The following CELSR1 variants were observed in gnomAD, a reference collection of about 807,000 sequenced individuals.
The protein encoded by CELSR1 is cadherin EGF LAG seven-pass G-type receptor 1, also known as adhesion G protein-coupled receptor C1.
In CELSR1, 110 loss-of-function variants were observed where a neutral mutation model predicts 249.1. The observed-to-expected ratio is 0.44, with a 90% CI of 0.38 to 0.52. The LOEUF is 0.52. Ranked by LOEUF, CELSR1 falls within the 20% of genes least tolerant of loss-of-function variation. The pLI is 0.00. For synonymous variants in CELSR1, 2,113 were observed against 1,900.0 expected (o/e 1.11, Z -2.92); for missense variants, 4,109 against 4,296.4 (o/e 0.96, Z 1.22).
In CELSR1 at chr22:46,454,953, C is replaced by T. The variant is rs1280709413; in HGVS notation, c.4183+8754G>A. 6.6e-6 allele frequency among the ~76,000 whole-genome samples: 1 copy of T among 152,204 alleles called. No individual in the cohort carries two copies. Among genetic ancestry groups the T allele is most frequent in the Non-Finnish European group, 1.5e-5 (1 of 68,038 alleles). On this transcript the variant is annotated intron_variant, in intron 2 of 34. Transcript: ENST00000674500. This position sits in a 1 kb window ranked among gnomAD's most constrained non-coding sequence, Gnocchi z 5.1. ...ATAGGGTCTTTGTAGAGGTAATCGA[C>T]TTAGGATGAGATCATTAGGGTGGGT...
At position 46,500,285 on chromosome 22, in the gene CELSR1, C is replaced by A. The variant is rs1305372340; in HGVS notation, c.3544+33342G>T. On this transcript the variant is annotated intron_variant, in intron 1 of 34. Transcript: ENST00000674500. The surrounding 1 kb of genome is among the most constrained non-coding windows in gnomAD (Gnocchi z 4.9). ...ACATAACTGCGACAAAACCCTGGCGCCCGGTTTTCAGCACCGCGCTAGGTT... is the reference window on the plus strand; with the variant it reads ...ACATAACTGCGACAAAACCCTGGCGACCGGTTTTCAGCACCGCGCTAGGTT... Among the ~76,000 whole-genome samples the A allele has an allele frequency of 2.6e-5, 4 of 152,166 alleles. No individual in the cohort carries two copies. Among genetic ancestry groups the A allele is most frequent in the Non-Finnish European group, 4.4e-5 (3 of 68,034 alleles).
At position 46,463,720 on chromosome 22, in the gene CELSR1, G is replaced by A. The variant is rs559899857; in HGVS notation, c.4170C>T (p.Phe1390=). The change falls in exon 2 of 35, where the codon TTC becomes TTT. Residue 1390 remains phenylalanine, a synonymous_variant. Transcript: ENST00000674500. Reference sequence around the variant, plus strand: ...CCGGGCACCTACCAGTGAAGTCCTCGAAGCACTCGCAGGTGTAGCCGCCCT... The same window carrying A: ...CCGGGCACCTACCAGTGAAGTCCTCAAAGCACTCGCAGGTGTAGCCGCCCT... ...SREGGYTCEC[F]EDFTGEHCEV... 69 of 1,525,800 alleles carry A rather than the reference G, an allele frequency of 4.5e-5. No homozygotes were observed. In the South Asian group the frequency reaches 6.9e-4, roughly 15 times the overall value. 94.5% of individuals were successfully genotyped at this position (1,525,800 alleles called of 1,614,324 possible).
chr22:46,372,841 G>A (rs771344904), intron 25 of CELSR1, 42 bp downstream of exon 25: 1 of 1,561,608 alleles, frequency 6.4e-7, no homozygotes, highest in Non-Finnish European at 8.7e-7. Flanking sequence ...GGGTCTGTTG[G>A]AAATCTGTGG....
rs35527058 is a variant in CELSR1 at position 46,493,545 on chromosome 22, CAA to C, written c.3545-29202_3545-29201del. Among the ~76,000 whole-genome samples the C allele has an allele frequency of 6.3e-3, 786 of 124,702 alleles. 2 individuals carry two copies. Among genetic ancestry groups the C allele is most frequent in the African/African-American group, 0.015 (485 of 32,348 alleles). 81.8% of individuals were successfully genotyped at this position (124,702 alleles called of 152,430 possible). ...TGGGTGACAGAACGAGACTCCGTCT[CAA>C]AAAAAAAAAAAAAAAGATTAAAATT... On this transcript the variant is annotated intron_variant, in intron 1 of 34. Coordinates refer to ENST00000674500, the MANE Select transcript of CELSR1 (RefSeq NM_001378328.1).
At position 46,481,483 on chromosome 22, in the gene CELSR1, T is replaced by C. The variant is rs2080265848; in HGVS notation, c.3545-17138A>G. On this transcript the variant is annotated intron_variant, in intron 1 of 34. Transcript: ENST00000674500. ...ATCTATTGAATCTTTGGCTTTGTCGTTGCAATGCGTGGTGCACCGGACCAG... is the reference window on the plus strand; with the variant it reads ...ATCTATTGAATCTTTGGCTTTGTCGCTGCAATGCGTGGTGCACCGGACCAG... The C allele has an allele frequency of 3.8e-6, 6 of 1,568,102 alleles. No homozygotes were observed. The East Asian group carries it at 9.0e-5, about 23-fold the overall frequency.
intron 24 of CELSR1, 118 bp downstream of exon 24, chr22:46,376,943 C>G: frequency 1.0e-6 from 1 of 998,852 alleles, no homozygotes; most frequent in South Asian, 1.5e-5. Context: ...ATCTGTGAAG[C>G]AGAGGTGGGG....
intron 5 of CELSR1, among the ~76,000 whole-genome samples, chr22:46,422,643 T>C (rs1413565729): frequency 2.0e-4 from 31 of 151,344 alleles, no homozygotes; most frequent in African/African-American, 7.5e-4. Context: ...GGTGGGCGCC[T>C]GTAGTCCCAG....
Position 46,536,224 on chromosome 22 carries a change from T to C in CELSR1, c.947A>G (p.Lys316Arg). ...TTTCACCCTGAGGACGTGCGTCTCC[T>C]TGGTCTCGCGGTCCAGTACGCTGTC... ...STDSVLDRET[K>R]ETHVLRVKAV... The change falls in exon 1 of 35, where the codon AAG becomes AGG. Residue 316 changes from lysine to arginine, a missense_variant. Physicochemically the swap from Lys to Arg is conservative, Grantham distance 26 (BLOSUM62 2). Transcript: ENST00000674500. 1 of 1,612,636 alleles carries C rather than the reference T, an allele frequency of 6.2e-7. No homozygotes were observed. Among genetic ancestry groups the C allele is most frequent in the Non-Finnish European group, 8.5e-7 (1 of 1,179,984 alleles).
intron 1 of CELSR1, among the ~76,000 whole-genome samples, chr22:46,529,670 G>T (rs2080772611): frequency 6.6e-6 from 1 of 152,114 alleles, no homozygotes; most frequent in South Asian, 2.1e-4. Flanking sequence ...GGGTGTGGTG[G>T]CGTGCACCTG....
rs146266737 is a variant in CELSR1, at chr22:46,364,961, C to A, written c.8555-225G>T. Among the ~76,000 whole-genome samples, 260 of 152,362 alleles carry A rather than the reference C, an allele frequency of 1.7e-3. 1 individual carries two copies. The highest frequency in any genetic ancestry group is 5.0e-3 in the African/African-American group (208 of 41,590). On this transcript the variant is annotated intron_variant, in intron 32 of 34. Coordinates refer to ENST00000674500, the MANE Select transcript of CELSR1 (RefSeq NM_001378328.1). ...TGTACCAGTAACTATACAGGCTAATCCCCCACTGGCAGCCTCACCTGGACC... is the reference window on the plus strand; with the variant it reads ...TGTACCAGTAACTATACAGGCTAATACCCCACTGGCAGCCTCACCTGGACC...
At chr22:46,496,133 G>A (rs1013047231) in intron 1 of CELSR1, among the ~76,000 whole-genome samples, 1 of 151,644 alleles carries the variant, frequency 6.6e-6, no homozygotes, top group African/African-American at 2.4e-5. Flanking sequence ...GGTGGGGGTT[G>A]CAGTGAGCCA....
chr22:46,391,285 T>A lies in CELSR1; in HGVS notation c.6151A>T (p.Ile2051Phe). 1 of 1,613,242 alleles carries A rather than the reference T, an allele frequency of 6.2e-7. No homozygotes were observed. The highest frequency in any genetic ancestry group is 8.5e-7 in the Non-Finnish European group (1 of 1,179,788). ...AATGCTTTGGGACAGCCATTGTAGA[T>A]CACTGGGGTAGAGAAGAGAGAAGTC... ...AEVTTLGCEVIYNGCPKAFEA... is the reference protein window; with the variant it reads ...AEVTTLGCEVFYNGCPKAFEA... The change falls in exon 16 of 35, where the codon ATC becomes TTC. Residue 2051 changes from isoleucine (I) to phenylalanine (F), a missense_variant and splice_region_variant. Physicochemically the swap from Ile to Phe is conservative, Grantham distance 21. Coordinates refer to ENST00000674500, the MANE Select transcript of CELSR1 (RefSeq NM_001378328.1). The surrounding 1 kb of genome is among the most constrained non-coding windows in gnomAD (Gnocchi z 4.3).
intron 1 of CELSR1, among the ~76,000 whole-genome samples, chr22:46,528,341 T>C (rs1322408637): frequency 6.6e-6 from 1 of 152,190 alleles, no homozygotes; most frequent in African/African-American, 2.4e-5. Context: ...AGAAGGTTAC[T>C]CAATCCTGTT....
chr22:46,378,586 C>T lies in CELSR1; in HGVS notation c.7383+5G>A. 6.4e-7 allele frequency: 1 copy of T among 1,559,974 alleles called. No homozygotes were observed. Among genetic ancestry groups the T allele is most frequent in the Non-Finnish European group, 8.7e-7 (1 of 1,151,856 alleles). Reference sequence around the variant, plus strand: ...AGGGCACAGTGGCCACGGGAGGATGCCCACCTCACGCCTGGAGATATCCAT... The same window carrying T: ...AGGGCACAGTGGCCACGGGAGGATGTCCACCTCACGCCTGGAGATATCCAT... On this transcript the variant is annotated splice_donor_5th_base_variant and intron_variant, in intron 23 of 34. Coordinates refer to ENST00000674500, the MANE Select transcript of CELSR1 (RefSeq NM_001378328.1).
At chr22:46,377,710 T>C (rs1407111385) in intron 23 of CELSR1, 1 of 196,730 alleles carries the variant, frequency 5.1e-6, no homozygotes, top group Non-Finnish European at 1.1e-5. Flanking sequence ...CCAGGCTGGG[T>C]CCTGCTGGGG....
At chr22:46,495,943 C>T (rs897458112) in intron 1 of CELSR1, among the ~76,000 whole-genome samples, 2 of 152,010 alleles carry the variant, frequency 1.3e-5, no homozygotes, top group African/African-American at 4.8e-5. Flanking sequence ...CCTGTAATCC[C>T]AGCGCTTTGG....
At position 46,364,532 on chromosome 22, in the gene CELSR1, T is replaced by C. The variant is rs2078744146; in HGVS notation, c.8759A>G (p.Gln2920Arg). The change falls in exon 33 of 35, where the codon CAG becomes CGG. Residue 2920 changes from glutamine to arginine, a missense_variant. By Grantham distance (43) the Gln-to-Arg change is conservative. Around this residue, in one of 7 missense-constraint regions of CELSR1, gnomAD observed 1,805 missense variants for 1,831.6 expected, o/e 0.99. Transcript: ENST00000674500. ...SGGAARLASS[Q>R]PPEQRKGILK... ...GGCACCTTTCCTCTGCTCTGGGGGC[T>C]GGCTGCTAGCAAGCCTGGCTGCGCC... 1.2e-6 allele frequency: 2 copies of C among 1,611,234 alleles called. No homozygotes were observed. The highest frequency in any genetic ancestry group is 1.3e-5 in the African/African-American group (1 of 74,910).
At chr22:46,451,978 C>CGCAA (rs1395642787) in intron 2 of CELSR1, among the ~76,000 whole-genome samples, 1 of 152,080 alleles carries the variant, frequency 6.6e-6, no homozygotes, top group East Asian at 1.9e-4. Flanking sequence ...GCCAGGCAGC[C>CGCAA]GCAAGCCAAG....
In CELSR1 at chr22:46,484,405, G is replaced by A. The variant is rs944745995; in HGVS notation, c.3545-20060C>T. Among the ~76,000 whole-genome samples the A allele has an allele frequency of 3.3e-5, 5 of 152,074 alleles. No individual in the cohort carries two copies. Among genetic ancestry groups the A allele is most frequent in the Admixed American group, 1.3e-4 (2 of 15,260 alleles). ...TGCAGCATCTGCCAGGAACTTGGAG[G>A]AGCCACCCCTCCTAGGCCTGAAATG... On this transcript the variant is annotated intron_variant, in intron 1 of 34. Coordinates refer to ENST00000674500, the MANE Select transcript of CELSR1 (RefSeq NM_001378328.1). The surrounding 1 kb of genome is among the most constrained non-coding windows in gnomAD (Gnocchi z 4.5).
Sources: gnomAD v4.1 joint callset for allele counts (sites outside exome capture counted in the v4.1 genomes callset) on GRCh38, gnomAD v4.1.1 for gene constraint, gnomAD v4.1.1 regional missense constraint, Gnocchi (gnomAD v3.1) non-coding constraint, MANE v1.5 for transcripts, NCBI Gene and HGNC (gene_info 2026-07-23, HGNC 2026-07-21) for gene names.